MAN1C1: variants seen among roughly 807,000 people sequenced by gnomAD.
MAN1C1 encodes mannosyl-oligosaccharide 1,2-alpha-mannosidase IC.
In MAN1C1, 49 loss-of-function variants were observed where a neutral mutation model predicts 71.5. That is an observed-to-expected ratio of 0.69 (90% CI 0.54 to 0.87). The LOEUF is 0.87. MAN1C1 is among the 40% of genes least tolerant of loss of function. The pLI is 0.00. For missense variants in MAN1C1, 743 were observed against 835.0 expected, an observed-to-expected ratio of 0.89 and a Z score of 1.36; for synonymous variants, 352 against 343.7, an observed-to-expected ratio of 1.02 and a Z score of -0.27.
chr1:25,699,609 G>A (rs1361474396), intron 2 of MAN1C1, among the ~76,000 whole-genome samples: 1 of 152,152 alleles, frequency 6.6e-6, no homozygotes, highest in South Asian at 2.1e-4. Flanking sequence ...CCCAGATGAG[G>A]CCTGATCCCC....
intron 7 of MAN1C1, among the ~76,000 whole-genome samples, chr1:25,767,768 T>C: frequency 1.5e-5 from 1 of 64,880 alleles, no homozygotes; most frequent in East Asian, 5.9e-4. Context: ...CCTCACATAA[T>C]CCACACTCCC....
At chr1:25,671,821 A>G (rs1459063829) in intron 1 of MAN1C1, among the ~76,000 whole-genome samples, 1 of 152,252 alleles carries the variant, frequency 6.6e-6, no homozygotes, top group Non-Finnish European at 1.5e-5. Flanking sequence ...CTGGGCTAAA[A>G]TGCAGGTGTT....
At position 25,631,821 on chromosome 1, in the gene MAN1C1, A is replaced by C. The variant is rs1156667128; in HGVS notation, c.540+13484A>C. Among the ~76,000 whole-genome samples the C allele has an allele frequency of 6.6e-6, 1 of 152,162 alleles. No individual in the cohort carries two copies. The highest frequency in any genetic ancestry group is 1.5e-5 in the Non-Finnish European group (1 of 68,026). ...CTTTTGGAATAGTTTCAGTAGCTGG[A>C]GTGTAGTGGCGCGATCTCAGCTCAC... On this transcript the variant is annotated intron_variant, in intron 1 of 11. Transcript: ENST00000374332. The surrounding 1 kb of genome is among the most constrained non-coding windows in gnomAD (Gnocchi z 4.2).
At chr1:25,665,659 A>G (rs766377297) in intron 1 of MAN1C1, among the ~76,000 whole-genome samples, 1 of 151,924 alleles carries the variant, frequency 6.6e-6, no homozygotes, top group Non-Finnish European at 1.5e-5. Context: ...TCACTGATGG[A>G]GAAAACAGGG....
At chr1:25,692,678 T>G (rs1261321011) in intron 2 of MAN1C1, among the ~76,000 whole-genome samples, 1 of 152,192 alleles carries the variant, frequency 6.6e-6, no homozygotes, top group Non-Finnish European at 1.5e-5. Flanking sequence ...TAAACTACCA[T>G]GCTGCCATGT....
chr1:25,653,480 C>T (rs1363762936), intron 1 of MAN1C1, among the ~76,000 whole-genome samples: 2 of 152,196 alleles, frequency 1.3e-5, no homozygotes, highest in Non-Finnish European at 2.9e-5. Context: ...TGTGACTACT[C>T]GTGTGGCCCT....
intron 1 of MAN1C1, among the ~76,000 whole-genome samples, chr1:25,643,666 A>T (rs2045570446): frequency 6.9e-6 from 1 of 144,766 alleles, no homozygotes; most frequent in African/African-American, 2.6e-5. Flanking sequence ...CACCCCACCC[A>T]GCTAATTTTT....
chr1:25,760,719 C>T (rs941922628), intron 6 of MAN1C1: 1 of 152,254 alleles, frequency 6.6e-6, no homozygotes, highest in African/African-American at 2.4e-5. Context: ...GGCTCTCCCG[C>T]ACTCCCGGCC....
intron 2 of MAN1C1, among the ~76,000 whole-genome samples, chr1:25,695,395 C>A (rs570966119): frequency 6.6e-6 from 1 of 152,238 alleles, no homozygotes; most frequent in African/African-American, 2.4e-5. Flanking sequence ...GATAGCCAGG[C>A]CCTTAGCCCA....
In MAN1C1 at chr1:25,776,902, T is replaced by C. The variant is rs77582305; in HGVS notation, c.1258-1203T>C. Among the ~76,000 whole-genome samples the C allele has an allele frequency of 0.033, 4,955 of 152,194 alleles. 235 individuals carry two copies. The highest frequency in any genetic ancestry group is 0.11 in the African/African-American group (4,603 of 41,502). The stretch of plus-strand genomic sequence containing the variant: ...ATATCTCATTTAATTCTCACAACCC[T>C]ATGAGGCAGTTAATGCTCTTATCCC... On this transcript the variant is annotated intron_variant, in intron 8 of 11. Transcript: ENST00000374332. This position sits in a 1 kb window ranked among gnomAD's most constrained non-coding sequence, Gnocchi z 4.3.
intron 7 of MAN1C1, among the ~76,000 whole-genome samples, chr1:25,765,396 A>G (rs919529977): frequency 6.6e-6 from 1 of 152,130 alleles, no homozygotes; most frequent in Non-Finnish European, 1.5e-5. Flanking sequence ...GCCTCCCAAG[A>G]CCTGGCAGAG....
At chr1:25,684,863 T>C (rs1487637416) in intron 1 of MAN1C1, among the ~76,000 whole-genome samples, 1 of 152,234 alleles carries the variant, frequency 6.6e-6, no homozygotes, top group Non-Finnish European at 1.5e-5. Flanking sequence ...AACAGATTGG[T>C]GCTTCTCACA....
chr1:25,671,968 G>A (rs2045999010), intron 1 of MAN1C1, among the ~76,000 whole-genome samples: 1 of 152,214 alleles, frequency 6.6e-6, no homozygotes, highest in African/African-American at 2.4e-5. Context: ...TATGGAGGCT[G>A]GGAAGTTCCA....
At chr1:25,648,365 C>T (rs3767906) in intron 1 of MAN1C1, among the ~76,000 whole-genome samples, 13,359 of 152,170 alleles carry the variant, frequency 0.088, 1,296 homozygotes, top group East Asian at 0.22. Flanking sequence ...TTGCAGAAGC[C>T]GTCTGATATT....
At chr1:25,640,982 G>T (rs775201661) in intron 1 of MAN1C1, among the ~76,000 whole-genome samples, 13 of 152,184 alleles carry the variant, frequency 8.5e-5, no homozygotes, top group Non-Finnish European at 1.8e-4. Flanking sequence ...TCAACTTGGC[G>T]CTAATAGGAG....
intron 2 of MAN1C1, among the ~76,000 whole-genome samples, chr1:25,727,351 G>C (rs1169536559): frequency 2.6e-5 from 4 of 152,224 alleles, no homozygotes; most frequent in African/African-American, 9.6e-5. Context: ...TCCTCTGCCA[G>C]GTGATTTGAG....
At chr1:25,736,893 G>A (rs557292521) in intron 2 of MAN1C1, among the ~76,000 whole-genome samples, 4 of 152,242 alleles carry the variant, frequency 2.6e-5, no homozygotes, top group Non-Finnish European at 4.4e-5. Context: ...CAGCAAGGAT[G>A]GATGAGGCTG....
At chr1:25,713,419 C>T (rs1033972493) in intron 2 of MAN1C1, among the ~76,000 whole-genome samples, 8 of 152,198 alleles carry the variant, frequency 5.3e-5, no homozygotes, top group East Asian at 1.9e-4. Context: ...AAAATTCATA[C>T]GCAGGTTTTG....
chr1:25,627,743 T>C (rs2124751027), intron 1 of MAN1C1, among the ~76,000 whole-genome samples: 2 of 152,172 alleles, frequency 1.3e-5, no homozygotes, highest in East Asian at 3.9e-4. Flanking sequence ...TGAAAAATCT[T>C]GCTGGGAGGC....
Sources: gnomAD v4.1 joint callset for allele counts (sites outside exome capture counted in the v4.1 genomes callset) on GRCh38, gnomAD v4.1.1 for gene constraint, Gnocchi (gnomAD v3.1) non-coding constraint, MANE v1.5 for transcripts, NCBI Gene and HGNC (gene_info 2026-07-23, HGNC 2026-07-21) for gene names.